DPH6: variants seen among roughly 807,000 people sequenced by gnomAD.
The protein encoded by DPH6 is diphthamine biosynthesis 6, also known as diphthine--ammonia ligase.
A neutral mutation model predicts 38.2 loss-of-function variants in DPH6; 33 were observed. That is an observed-to-expected ratio of 0.86 (90% confidence interval 0.65 to 1.15). The LOEUF (loss-of-function observed/expected upper bound fraction) is 1.15, where lower values mean the gene tolerates loss of function less well. Among genes scored for constraint, DPH6 ranks in the 50% most tolerant of loss-of-function variants. DPH6 has a pLI of 0.00. For synonymous variants in DPH6, 108 were observed against 103.0 expected, an observed-to-expected ratio of 1.05 and a Z score of -0.30; for missense variants, 325 against 320.0, an observed-to-expected ratio of 1.02 and a Z score of -0.12.
At chr15:35,411,716 T>C (rs557895908) in intron 5 of DPH6, among the ~76,000 whole-genome samples, 9 of 151,882 alleles carry the variant, frequency 5.9e-5, no homozygotes, top group African/African-American at 2.2e-4. Flanking sequence ...TATATTGGCA[T>C]AGTTTCATTT....
intron 3 of DPH6, among the ~76,000 whole-genome samples, chr15:35,257,267 A>G (rs943413397): frequency 2.6e-5 from 4 of 152,172 alleles, no homozygotes; most frequent in Non-Finnish European, 5.9e-5. Flanking sequence ...TCTGGGAAAA[A>G]TTTATGGGGC....
the DPH6 span, among the ~76,000 whole-genome samples, chr15:35,180,303 A>G: frequency 1.3e-5 from 2 of 152,148 alleles, no homozygotes; most frequent in Non-Finnish European, 2.9e-5. Context: ...ATCCTCACAT[A>G]GTAATTGCAC....
chr15:35,163,241 C>T, the DPH6 span, among the ~76,000 whole-genome samples: 3 of 151,810 alleles, frequency 2.0e-5, no homozygotes, highest in East Asian at 1.9e-4. Context: ...CTTCCCTTTT[C>T]GTTTTTAACC....
At chr15:35,508,113 G>A (rs79053842) in intron 3 of DPH6, among the ~76,000 whole-genome samples, 7,335 of 151,992 alleles carry the variant, frequency 0.048, 204 homozygotes, top group East Asian at 0.12. Context: ...TTAATCTGCC[G>A]GCTGAATGAC....
At chr15:35,292,063 A>C (rs918200218) in intron 3 of DPH6, among the ~76,000 whole-genome samples, 1 of 152,132 alleles carries the variant, frequency 6.6e-6, no homozygotes, top group African/African-American at 2.4e-5. Context: ...AGAGCTTTCA[A>C]AACTGAGCCC....
the DPH6 span, among the ~76,000 whole-genome samples, chr15:35,189,441 T>G: frequency 6.6e-6 from 1 of 152,200 alleles, no homozygotes; most frequent in Non-Finnish European, 1.5e-5. Flanking sequence ...AGAGTCCTCC[T>G]CAAATATAAT....
intron 3 of DPH6, among the ~76,000 whole-genome samples, chr15:35,221,231 G>T (rs1183967562): frequency 6.6e-6 from 1 of 152,208 alleles, no homozygotes; most frequent in Non-Finnish European, 1.5e-5. Context: ...GCTGGGCTCT[G>T]CTCATGCAGC....
At chr15:35,224,705 C>T (rs964571995) in intron 3 of DPH6, among the ~76,000 whole-genome samples, 3 of 152,162 alleles carry the variant, frequency 2.0e-5, no homozygotes, top group Non-Finnish European at 4.4e-5. Flanking sequence ...ATGAGAGTTC[C>T]TCTTGTTCCA....
chr15:35,332,496 G>A (rs537136882), intron 3 of DPH6, among the ~76,000 whole-genome samples: 124 of 152,150 alleles, frequency 8.1e-4, no homozygotes, highest in Non-Finnish European at 1.7e-3. Context: ...TTTTCAACTG[G>A]TTGTTTTAGC....
chr15:35,329,697 G>A (rs966281368), downstream of DPH6, among the ~76,000 whole-genome samples: 1 of 152,082 alleles, frequency 6.6e-6, no homozygotes, highest in Non-Finnish European at 1.5e-5. Flanking sequence ...ATACATTGTG[G>A]TTTCTTCAGA....
chr15:35,512,250 A>G (rs562790687), intron 3 of DPH6, among the ~76,000 whole-genome samples: 2 of 152,206 alleles, frequency 1.3e-5, no homozygotes, highest in Non-Finnish European at 2.9e-5. Context: ...GAAAATCAGA[A>G]ATCATTTTTA....
At chr15:35,463,639 C>T (rs1015485987) in intron 3 of DPH6, among the ~76,000 whole-genome samples, 1 of 151,904 alleles carries the variant, frequency 6.6e-6, no homozygotes, top group African/African-American at 2.4e-5. Context: ...AGAAAGAGGA[C>T]CAGAAATAGA....
At chr15:35,538,555 A>C in intron 2 of DPH6, 88 bp from the exon 3 acceptor site, 6 of 1,172,476 alleles carry the variant, frequency 5.1e-6, no homozygotes, top group Non-Finnish European at 6.8e-6. Context: ...CTGCTTGAAT[A>C]GTCGACACAG....
chr15:35,183,032 T>C, the DPH6 span, among the ~76,000 whole-genome samples: 1 of 152,196 alleles, frequency 6.6e-6, no homozygotes, highest in East Asian at 1.9e-4. Flanking sequence ...AACTGAGAAC[T>C]CTAGCTTTAC....
intron 3 of DPH6, among the ~76,000 whole-genome samples, chr15:35,491,782 CAT>C (rs760225398): frequency 1.3e-5 from 2 of 149,400 alleles, no homozygotes; most frequent in Admixed American, 6.7e-5. Context: ...TATGTATAGA[CAT>C]ATTTTTATAT....
At chr15:35,462,035 A>T (rs2054072686) in intron 3 of DPH6, among the ~76,000 whole-genome samples, 2 of 152,174 alleles carry the variant, frequency 1.3e-5, no homozygotes, top group South Asian at 4.1e-4. Flanking sequence ...GTATATTGTT[A>T]TTCAGGCCAA....
intron 3 of DPH6, among the ~76,000 whole-genome samples, chr15:35,222,853 C>A (rs2051451787): frequency 6.6e-6 from 1 of 152,050 alleles, no homozygotes; most frequent in Admixed American, 6.5e-5. Context: ...TTGAGGCCCA[C>A]AAGGAATTTC....
downstream of DPH6, chr15:35,330,698 C>T (rs889440941): frequency 1.3e-5 from 2 of 152,134 alleles, no homozygotes; most frequent in African/African-American, 2.4e-5. Flanking sequence ...CTTTAGAATA[C>T]GTTTCTGACA....
the DPH6 span, among the ~76,000 whole-genome samples, chr15:35,198,204 A>T: frequency 8.6e-5 from 13 of 151,456 alleles, no homozygotes; most frequent in African/African-American, 3.1e-4. Context: ...TTTTTTTCTA[A>T]GCTATCAAAT....
Sources: gnomAD v4.1 joint callset for allele counts (sites outside exome capture counted in the v4.1 genomes callset) on GRCh38, gnomAD v4.1.1 for gene constraint, MANE v1.5 for transcripts, NCBI Gene and HGNC (gene_info 2026-07-23, HGNC 2026-07-21) for gene names.